The following RPTOR variants were observed in gnomAD, a reference collection of about 807,000 sequenced individuals.
RPTOR encodes regulatory-associated protein of mTOR.
Under a neutral mutation model 169.9 loss-of-function variants are expected in RPTOR, and 21 were observed. The observed-to-expected ratio is 0.12, with a 90% confidence interval of 0.09 to 0.18. The LOEUF is 0.18. RPTOR is among the 10% of genes least tolerant of loss of function. The pLI, the probability that RPTOR is intolerant of heterozygous loss-of-function variation, is 1.00. For missense variants in RPTOR, 1,133 were observed against 1,855.9 expected, an observed-to-expected ratio of 0.61 and a Z score of 7.16; for synonymous variants, 732 against 753.2, an observed-to-expected ratio of 0.97 and a Z score of 0.46.
At chr17:80,791,637 T>G (rs900037117) in intron 7 of RPTOR, 128 bp downstream of exon 7, 26 of 776,396 alleles carry the variant, frequency 3.3e-5, no homozygotes, top group Non-Finnish European at 5.1e-5. Context: ...GGCTGTGTTC[T>G]TTTGTTCTCT....
intron 21 of RPTOR, among the ~76,000 whole-genome samples, chr17:80,918,397 C>T (rs905695156): frequency 4.1e-5 from 6 of 146,728 alleles, no homozygotes; most frequent in Admixed American, 2.0e-4. Flanking sequence ...GCAGCGGCTG[C>T]CCCACGAGCA....
intron 1 of RPTOR, 23 bp downstream of exon 1, chr17:80,545,814 C>T (rs370039731): frequency 6.4e-7 from 1 of 1,556,644 alleles, no homozygotes; most frequent in Non-Finnish European, 8.7e-7. Flanking sequence ...TGAAGGCACC[C>T]CTTGAACTTG....
chr17:80,952,674 T>C (rs1258722527), intron 28 of RPTOR, among the ~76,000 whole-genome samples: 2 of 152,144 alleles, frequency 1.3e-5, no homozygotes, highest in Non-Finnish European at 2.9e-5. Context: ...CTGTTTGTTC[T>C]GCTCGTGTCA....
intron 1 of RPTOR, among the ~76,000 whole-genome samples, chr17:80,560,867 G>A (rs1453190809): frequency 1.3e-5 from 2 of 152,014 alleles, no homozygotes; most frequent in African/African-American, 4.8e-5. Flanking sequence ...GGTGACTGGC[G>A]GTCAATAGGT....
chr17:80,609,218 T>G lies in RPTOR; in HGVS notation c.163-16473T>G, dbSNP rs2065250105. On this transcript the variant is annotated intron_variant, in intron 1 of 33. Coordinates refer to ENST00000306801, the MANE Select transcript of RPTOR (RefSeq NM_020761.3). The surrounding 1 kb of genome is among the most constrained non-coding windows in gnomAD (Gnocchi z 4.8). ...CTTAGGTTTGTGCTGGGTGCTCTGC[T>G]CTCAGGCCCACAGAATTCTGCACTG... 6.6e-6 allele frequency among the ~76,000 whole-genome samples: 1 copy of G among 152,092 alleles called. No individual in the cohort carries two copies.
intron 20 of RPTOR, among the ~76,000 whole-genome samples, chr17:80,897,387 C>T (rs1204049184): frequency 1.3e-5 from 2 of 152,164 alleles, no homozygotes; most frequent in Non-Finnish European, 2.9e-5. Context: ...ATAGAAATTC[C>T]CTTCCCTTTG....
chr17:80,864,091 A>G (rs554008382), intron 13 of RPTOR, among the ~76,000 whole-genome samples: 1 of 152,344 alleles, frequency 6.6e-6, no homozygotes, highest in South Asian at 2.1e-4. Context: ...TGAAGAAACA[A>G]TAGCTAACAT....
chr17:80,561,502 C>A (rs956151547), intron 1 of RPTOR, among the ~76,000 whole-genome samples: 1 of 151,864 alleles, frequency 6.6e-6, no homozygotes, highest in African/African-American at 2.4e-5. Flanking sequence ...ACAATCACCG[C>A]TTACTGTAGC....
chr17:80,885,260 C>G (rs978153942), intron 17 of RPTOR, 112 bp downstream of exon 17: 1 of 1,193,538 alleles, frequency 8.4e-7, no homozygotes, highest in African/African-American at 1.5e-5. Flanking sequence ...GTTTCCACTG[C>G]GTGTCATTGC....
chr17:80,886,105 G>A (rs1260110703), intron 17 of RPTOR, among the ~76,000 whole-genome samples: 9 of 152,224 alleles, frequency 5.9e-5, no homozygotes, highest in Admixed American at 4.6e-4. Context: ...ACCCTCGTGC[G>A]TTCCCGTGCT....
intron 1 of RPTOR, among the ~76,000 whole-genome samples, chr17:80,574,426 A>G (rs369885063): frequency 4.7e-5 from 7 of 149,120 alleles, no homozygotes; most frequent in Middle Eastern, 3.5e-3. Flanking sequence ...TCAGCCTCCC[A>G]AAGTGCTGGG....
At chr17:80,787,166 A>G (rs1033592637) in intron 6 of RPTOR, among the ~76,000 whole-genome samples, 9 of 152,212 alleles carry the variant, frequency 5.9e-5, no homozygotes, top group Non-Finnish European at 2.9e-5. Flanking sequence ...ATTCATTAAG[A>G]CCATTACTTT....
rs188410939 is a variant in RPTOR at position 80,947,048 on chromosome 17, C to T, written c.3141-179C>T. Among the ~76,000 whole-genome samples, 3 of 152,362 alleles carry T rather than the reference C, an allele frequency of 2.0e-5. No homozygotes were observed. The highest frequency in any genetic ancestry group is 2.0e-4 in the Admixed American group (3 of 15,308). On this transcript the variant is annotated intron_variant, in intron 26 of 33. Coordinates refer to ENST00000306801, the MANE Select transcript of RPTOR (RefSeq NM_020761.3). The surrounding 1 kb of genome is among the most constrained non-coding windows in gnomAD (Gnocchi z 4.4). ...TCCAGGCTGGTCTTGAACTCCCAGG[C>T]TCCAACAGTCCTCCTGCTTCAGCCT...
chr17:80,550,330 C>T (rs5003528), intron 1 of RPTOR, among the ~76,000 whole-genome samples: 147,276 of 152,334 alleles, frequency 0.97, 71,212 homozygotes, highest in East Asian at 1. Context: ...TTCTGTGTCT[C>T]CACGAAACTC....
chr17:80,688,282 C>A (rs1471257260), intron 3 of RPTOR, among the ~76,000 whole-genome samples: 1 of 152,204 alleles, frequency 6.6e-6, no homozygotes, highest in Non-Finnish European at 1.5e-5. Context: ...GCCCCAAACA[C>A]ACACAATTTT....
chr17:80,905,784 C>T (rs2068534681), intron 20 of RPTOR, among the ~76,000 whole-genome samples: 1 of 152,214 alleles, frequency 6.6e-6, no homozygotes, highest in Non-Finnish European at 1.5e-5. Flanking sequence ...CCTGCACCCT[C>T]CTCGCAGTCT....
chr17:80,852,835 C>T (rs970080640), intron 11 of RPTOR, among the ~76,000 whole-genome samples: 6 of 152,112 alleles, frequency 3.9e-5, no homozygotes, highest in Admixed American at 3.9e-4. Context: ...TGCTGGCCGA[C>T]CCCCAGGAGC....
intron 1 of RPTOR, among the ~76,000 whole-genome samples, chr17:80,555,536 G>A (rs932939118): frequency 1.8e-4 from 27 of 152,190 alleles, no homozygotes; most frequent in Non-Finnish European, 2.9e-4. Flanking sequence ...GACAGCTCAC[G>A]GGAAGTGTCC....
At chr17:80,652,669 T>G (rs1234846695) in intron 3 of RPTOR, among the ~76,000 whole-genome samples, 1 of 152,262 alleles carries the variant, frequency 6.6e-6, no homozygotes, top group Admixed American at 6.5e-5. Flanking sequence ...TGATGGACAC[T>G]TTCATGGTTT....
Sources: gnomAD v4.1 joint callset for allele counts (sites outside exome capture counted in the v4.1 genomes callset) on GRCh38, gnomAD v4.1.1 for gene constraint, Gnocchi (gnomAD v3.1) non-coding constraint, MANE v1.5 for transcripts, NCBI Gene and HGNC (gene_info 2026-07-23, HGNC 2026-07-21) for gene names.